The following AK7 variants were observed in gnomAD, a reference collection of about 807,000 sequenced individuals.
AK7 encodes adenylate kinase 7.
A neutral mutation model predicts 96.6 loss-of-function variants in AK7; 78 were observed. The observed-to-expected ratio is 0.81, with a 90% confidence interval of 0.67 to 0.97. The LOEUF is 0.97. Among genes scored for constraint, AK7 ranks in the 50% least tolerant of loss-of-function variants. AK7 has a pLI of 0.00. For missense variants in AK7, 855 were observed against 887.9 expected (o/e 0.96, Z 0.47); for synonymous variants, 302 against 317.2 (o/e 0.95, Z 0.51).
intron 5 of AK7, among the ~76,000 whole-genome samples, chr14:96,435,110 G>A (rs1231577164): frequency 6.6e-6 from 1 of 152,028 alleles, no homozygotes; most frequent in African/African-American, 2.4e-5. Flanking sequence ...TGGCCATGCT[G>A]GCACCTAAGG....
Position 96,439,438 on chromosome 14 carries a change from G to A in AK7, c.690+1523G>A, listed in dbSNP as rs1024400765. Among the ~76,000 whole-genome samples the A allele has an allele frequency of 3.9e-5, 6 of 152,280 alleles. No homozygotes were observed. In the East Asian group the frequency reaches 1.2e-3, roughly 29 times the overall value. On this transcript the variant is annotated intron_variant, in intron 6 of 17. Transcript: ENST00000267584. ...CCGGCACTTTGGGAGGCCAAGGCAG[G>A]CGGATCACAAGGTCAGGAGATCAAG... is the stretch of plus-strand genomic sequence containing the variant.
At chr14:96,398,366 T>C in intron 2 of AK7, 103 bp downstream of exon 2, 1 of 1,234,996 alleles carries the variant, frequency 8.1e-7, no homozygotes, top group Non-Finnish European at 1.2e-6. Flanking sequence ...CTCCCCTCTC[T>C]TCCACAGACA....
intron 13 of AK7, 46 bp downstream of exon 13, chr14:96,471,652 G>A (rs758551278): frequency 7.1e-7 from 1 of 1,411,810 alleles, no homozygotes; most frequent in Non-Finnish European, 9.4e-7. Context: ...CAGATAAGTT[G>A]CAACTTTATT....
intron 12 of AK7, among the ~76,000 whole-genome samples, chr14:96,462,129 C>T (rs1426174725): frequency 9.2e-5 from 14 of 152,278 alleles, no homozygotes; most frequent in Non-Finnish European, 4.4e-5. Context: ...CAAACAGGTT[C>T]AGCAGCCTCT....
chr14:96,401,204 A>G (rs1028404749), intron 2 of AK7, among the ~76,000 whole-genome samples: 1 of 152,050 alleles, frequency 6.6e-6, no homozygotes, highest in African/African-American at 2.4e-5. Flanking sequence ...CTTGGCAGGG[A>G]CTCTGTGACA....
chr14:96,455,841 A>T (rs1893866400), intron 10 of AK7, among the ~76,000 whole-genome samples: 1 of 152,176 alleles, frequency 6.6e-6, no homozygotes, highest in Non-Finnish European at 1.5e-5. Flanking sequence ...TTTCGGGATG[A>T]TGTGGCAGTC....
chr14:96,460,610 T>C (rs935946651), intron 12 of AK7, among the ~76,000 whole-genome samples: 1 of 152,182 alleles, frequency 6.6e-6, no homozygotes, highest in Non-Finnish European at 1.5e-5. Context: ...GGTCTTCTGG[T>C]ACTCCACCCC....
At chr14:96,434,119 G>T (rs906803082) in intron 5 of AK7, among the ~76,000 whole-genome samples, 1 of 152,150 alleles carries the variant, frequency 6.6e-6, no homozygotes, top group Non-Finnish European at 1.5e-5. Flanking sequence ...GCTAGTTGAC[G>T]TTCTTCAGTA....
At chr14:96,446,112 A>G (rs1008597017) in intron 7 of AK7, among the ~76,000 whole-genome samples, 29 of 152,174 alleles carry the variant, frequency 1.9e-4, no homozygotes, top group African/African-American at 6.8e-4. Flanking sequence ...ATACCTCCCT[A>G]AAGCATTGTT....
chr14:96,405,974 T>C (rs1173458006), intron 3 of AK7, among the ~76,000 whole-genome samples: 1 of 152,140 alleles, frequency 6.6e-6, no homozygotes, highest in Non-Finnish European at 1.5e-5. Flanking sequence ...TGAACTGTAA[T>C]GTAAGGACCT....
At chr14:96,476,429 C>T (rs1421307460) in intron 14 of AK7, among the ~76,000 whole-genome samples, 6 of 150,048 alleles carry the variant, frequency 4.0e-5, no homozygotes, top group Admixed American at 3.4e-4. Context: ...CACCTGAACC[C>T]GGGAGGCAGA....
intron 12 of AK7, among the ~76,000 whole-genome samples, 188 bp downstream of exon 12, chr14:96,458,400 A>T (rs1391032341): frequency 6.6e-6 from 1 of 152,140 alleles, no homozygotes; most frequent in African/African-American, 2.4e-5. Flanking sequence ...GTTTGAGACC[A>T]GCCTGAGCAG....
In AK7 at chr14:96,399,202, G is replaced by A. The variant is rs1890262240; in HGVS notation, c.294+939G>A. ...TCAGCTCCTTGAGGGTGGAGACCGT[G>A]ACTTGTTTATCCCTGTGTTTATCCA... is the stretch of plus-strand genomic sequence containing the variant. On this transcript the variant is annotated intron_variant, in intron 2 of 17. Transcript: ENST00000267584. The surrounding 1 kb of genome is among the most constrained non-coding windows in gnomAD (Gnocchi z 4.1). The A allele has an allele frequency of 6.6e-6, 1 of 152,166 alleles. No individual in the cohort carries two copies. The highest frequency in any genetic ancestry group is 2.4e-5 in the African/African-American group (1 of 41,388). 9.4% of individuals were successfully genotyped at this position (152,166 alleles called of 1,614,324 possible). A position where few individuals can be genotyped will look rare whatever the true frequency, so the allele number is the denominator to read the frequency against.
At chr14:96,488,111 C>G (rs1035220692) in intron 17 of AK7, 194 bp from the exon 18 acceptor site, 1 of 449,976 alleles carries the variant, frequency 2.2e-6, no homozygotes, top group African/African-American at 2.0e-5. Flanking sequence ...GGAAGTTTCA[C>G]CATGTTGACC....
Position 96,454,566 on chromosome 14 carries a change from C to T in AK7, c.1099-1781C>T, listed in dbSNP as rs559545484. 3.0e-3 allele frequency among the ~76,000 whole-genome samples: 462 copies of T among 152,108 alleles called. 5 individuals are homozygous for T. In the South Asian group the frequency reaches 0.042, roughly 14 times the overall value. On this transcript the variant is annotated intron_variant, in intron 10 of 17. Coordinates refer to ENST00000267584, the MANE Select transcript of AK7 (RefSeq NM_152327.5). ...GACCACGACTCACTGCAGCCTAGAC[C>T]CTCCTGGGCTTAAGCACTCCTCCTG...
intron 3 of AK7, among the ~76,000 whole-genome samples, chr14:96,405,506 C>T (rs754476537): frequency 3.9e-5 from 6 of 152,140 alleles, no homozygotes; most frequent in Non-Finnish European, 8.8e-5. Context: ...TTTTAAAATG[C>T]AACCTGACTC....
chr14:96,410,171 C>T (rs758560868), intron 4 of AK7, among the ~76,000 whole-genome samples: 3 of 152,150 alleles, frequency 2.0e-5, no homozygotes, highest in Non-Finnish European at 4.4e-5. Flanking sequence ...ACTGAGAACC[C>T]CTTGAGGGCA....
chr14:96,443,042 T>C (rs1893043631), intron 7 of AK7, among the ~76,000 whole-genome samples: 1 of 152,214 alleles, frequency 6.6e-6, no homozygotes. Context: ...AAGTTCAGGT[T>C]CATCTCTTAG....
chr14:96,466,397 C>T (rs963105397), intron 12 of AK7, among the ~76,000 whole-genome samples: 2 of 151,882 alleles, frequency 1.3e-5, no homozygotes, highest in Non-Finnish European at 2.9e-5. Flanking sequence ...CCACCACGCC[C>T]GGCTAATTTT....
Sources: gnomAD v4.1 joint callset for allele counts (sites outside exome capture counted in the v4.1 genomes callset) on GRCh38, gnomAD v4.1.1 for gene constraint, Gnocchi (gnomAD v3.1) non-coding constraint, MANE v1.5 for transcripts, NCBI Gene and HGNC (gene_info 2026-07-23, HGNC 2026-07-21) for gene names.